The following SESTD1 variants were observed in gnomAD, a reference collection of about 807,000 sequenced individuals.
SESTD1 encodes the protein SEC14 domain and spectrin repeat-containing protein 1.
A neutral mutation model predicts 101.7 loss-of-function variants in SESTD1; 43 were observed. That is an observed-to-expected ratio of 0.42 (90% CI 0.33 to 0.55). The LOEUF (loss-of-function observed/expected upper bound fraction) is 0.55, where lower values mean the gene tolerates loss of function less well. SESTD1 is among the 20% of genes least tolerant of loss of function. The pLI is 0.07. For synonymous variants in SESTD1, 283 were observed against 286.8 expected (o/e 0.99, Z 0.13); for missense variants, 647 against 815.1 (o/e 0.79, Z 2.51).
intron 1 of SESTD1, among the ~76,000 whole-genome samples, chr2:179,194,469 C>T (rs1046399561): frequency 1.3e-5 from 2 of 152,144 alleles, no homozygotes; most frequent in Non-Finnish European, 2.9e-5. Flanking sequence ...AGGACTATTG[C>T]TTCCCTCTAC....
intron 1 of SESTD1, among the ~76,000 whole-genome samples, chr2:179,201,222 G>T (rs2046506981): frequency 7.5e-6 from 1 of 133,752 alleles, no homozygotes; most frequent in Non-Finnish European, 1.6e-5. Context: ...ACCACAATGA[G>T]ATACCATCTC....
At chr2:179,252,427 G>A (rs2047331748) in intron 1 of SESTD1, among the ~76,000 whole-genome samples, 1 of 152,174 alleles carries the variant, frequency 6.6e-6, no homozygotes, top group South Asian at 2.1e-4. Context: ...TCAAGATCTA[G>A]TAAAAACTAT....
chr2:179,163,064 A>C (rs541738593), intron 5 of SESTD1, among the ~76,000 whole-genome samples: 16 of 152,134 alleles, frequency 1.1e-4, no homozygotes, highest in Admixed American at 1.0e-3. Context: ...CAGTGGAATA[A>C]GAGACAACCT....
chr2:179,162,715 C>T (rs541404440), intron 5 of SESTD1, among the ~76,000 whole-genome samples: 20 of 151,332 alleles, frequency 1.3e-4, no homozygotes, highest in African/African-American at 3.2e-4. Flanking sequence ...AGGCTGGGCA[C>T]GGTGGCTCAT....
chr2:179,196,695 C>A (rs938214356), intron 1 of SESTD1, among the ~76,000 whole-genome samples: 2 of 152,176 alleles, frequency 1.3e-5, no homozygotes, highest in Non-Finnish European at 2.9e-5. Flanking sequence ...CCAGAAGGGG[C>A]AGACTGACAC....
chr2:179,120,057 C>T (rs1189114188), intron 13 of SESTD1, among the ~76,000 whole-genome samples: 8 of 151,856 alleles, frequency 5.3e-5, no homozygotes, highest in Admixed American at 1.3e-4. Context: ...GGTGAAACAC[C>T]GTCTCTACTA....
chr2:179,216,881 G>A (rs2046728863), intron 1 of SESTD1, among the ~76,000 whole-genome samples: 1 of 138,308 alleles, frequency 7.2e-6, no homozygotes, highest in African/African-American at 2.8e-5. Context: ...AAGAAATGGG[G>A]AAAGGATTCC....
intron 1 of SESTD1, among the ~76,000 whole-genome samples, chr2:179,233,348 TC>T (rs2047012719): frequency 6.6e-6 from 1 of 152,166 alleles, no homozygotes; most frequent in African/African-American, 2.4e-5. Context: ...AAACCAGACT[TC>T]CTACTGTTAA....
intron 3 of SESTD1, 21 bp downstream of exon 3, chr2:179,183,059 A>G (rs767047376): frequency 2.0e-6 from 3 of 1,498,294 alleles, no homozygotes; most frequent in Non-Finnish European, 2.7e-6. Context: ...GAGATTTAAG[A>G]AAAGACACCT....
At chr2:179,225,875 G>A (rs186666860) in intron 1 of SESTD1, among the ~76,000 whole-genome samples, 1 of 152,236 alleles carries the variant, frequency 6.6e-6, no homozygotes, top group African/African-American at 2.4e-5. Context: ...AACCACAGTT[G>A]GAACTAAGTT....
chr2:179,236,238 A>G (rs1283813036), intron 1 of SESTD1, among the ~76,000 whole-genome samples: 2 of 150,250 alleles, frequency 1.3e-5, no homozygotes, highest in African/African-American at 2.5e-5. Flanking sequence ...CTGTAATCCC[A>G]GCACTTTGGG....
intron 9 of SESTD1, among the ~76,000 whole-genome samples, chr2:179,135,885 G>A (rs1044220471): frequency 4.4e-4 from 67 of 152,208 alleles, no homozygotes; most frequent in African/African-American, 1.5e-3. Flanking sequence ...ACAGCGCTAA[G>A]TTCATTTTCA....
chr2:179,226,562 A>C (rs2046889235), intron 1 of SESTD1, among the ~76,000 whole-genome samples: 1 of 152,306 alleles, frequency 6.6e-6, no homozygotes, highest in East Asian at 1.9e-4. Context: ...ACTCACGCTG[A>C]TATGTGCATA....
intron 16 of SESTD1, among the ~76,000 whole-genome samples, 163 bp downstream of exon 16, chr2:179,114,901 GA>G (rs2044593960): frequency 6.6e-6 from 1 of 152,108 alleles, no homozygotes; most frequent in African/African-American, 2.4e-5. Context: ...AATTTAATTT[GA>G]ACTCTCTAAG....
At chr2:179,228,302 A>G (rs1188555625) in intron 1 of SESTD1, among the ~76,000 whole-genome samples, 4 of 152,182 alleles carry the variant, frequency 2.6e-5, no homozygotes, top group African/African-American at 9.7e-5. Flanking sequence ...CGGCCTGAAT[A>G]TTATACCTCT....
chr2:179,264,253 C>T (rs2047525115), intron 1 of SESTD1: 1 of 152,080 alleles, frequency 6.6e-6, no homozygotes. Context: ...CCGCAGGGCT[C>T]CCACCTCCGG....
intron 1 of SESTD1, among the ~76,000 whole-genome samples, chr2:179,248,632 A>T (rs562618877): frequency 6.8e-6 from 1 of 147,434 alleles, no homozygotes; most frequent in African/African-American, 2.5e-5. Context: ...GAACTCTTGC[A>T]AAAAAAAAAG....
At chr2:179,185,854 T>C (rs1166561220) in intron 2 of SESTD1, among the ~76,000 whole-genome samples, 1 of 133,420 alleles carries the variant, frequency 7.5e-6, no homozygotes, top group African/African-American at 2.8e-5. Flanking sequence ...GCATGTACAA[T>C]ATAGTATGTT....
At chr2:179,139,119 AAAT>A (rs1310400881) in intron 9 of SESTD1, among the ~76,000 whole-genome samples, 11 of 152,148 alleles carry the variant, frequency 7.2e-5, no homozygotes, top group Non-Finnish European at 5.9e-5. Flanking sequence ...TCTCTAAAAC[AAAT>A]AATATCTTCC....
Sources: allele counts gnomAD v4.1 joint callset (sites outside exome capture counted in the v4.1 genomes callset), GRCh38; gene constraint gnomAD v4.1.1; transcripts MANE v1.5; gene names NCBI Gene and HGNC (gene_info 2026-07-23, HGNC 2026-07-21).